SASS6: variants seen among roughly 807,000 people sequenced by gnomAD.
SASS6 encodes the protein spindle assembly abnormal protein 6 homolog.
In SASS6, 59 loss-of-function variants were observed where a neutral mutation model predicts 94.9. The ratio of observed to expected loss-of-function variants is 0.62; its 90% confidence interval spans 0.50 to 0.77. The LOEUF (loss-of-function observed/expected upper bound fraction) is 0.77. SASS6 is among the 30% of genes least tolerant of loss of function. The pLI, the probability that SASS6 is intolerant of heterozygous loss-of-function variation, is 0.00. For missense variants in SASS6, 698 were observed against 734.1 expected (o/e 0.95, Z 0.57); for synonymous variants, 264 against 270.0 (o/e 0.98, Z 0.22).
In SASS6 at chr1:100,125,742, C is replaced by T. The variant is rs558866388; in HGVS notation, c.126+140G>A. On this transcript the variant is annotated intron_variant, in intron 2 of 16. Transcript: ENST00000287482. ...TTGTTGTCTCAGTAGATTCCACCAC[C>T]CTTGATTTCCAACAGTTGCAAAATA... 3.8e-4 allele frequency: 236 copies of T among 623,826 alleles called. No homozygotes were observed. The African/African-American group carries it at 4.1e-3, about 11-fold the overall frequency. The allele number at this position is 623,826 out of a possible 1,614,324, so 38.6% of individuals were successfully genotyped here.
At chr1:100,099,827 T>C (rs1458716977) in intron 14 of SASS6, among the ~76,000 whole-genome samples, 2 of 152,212 alleles carry the variant, frequency 1.3e-5, no homozygotes, top group African/African-American at 4.8e-5. Context: ...TTTTTGGTCC[T>C]TAACAGTAAA....
At chr1:100,114,573 C>A (rs2101675173) in intron 7 of SASS6, among the ~76,000 whole-genome samples, 1 of 151,610 alleles carries the variant, frequency 6.6e-6, no homozygotes, top group South Asian at 2.1e-4. Flanking sequence ...AAAAAATTAT[C>A]TAGGCCTGGT....
intron 14 of SASS6, among the ~76,000 whole-genome samples, chr1:100,101,182 G>A (rs915061414): frequency 2.0e-5 from 3 of 152,124 alleles, no homozygotes; most frequent in Non-Finnish European, 1.5e-5. Context: ...ACTTCAGGTT[G>A]ATAGAGGCAG....
At chr1:100,104,783 T>TAAAA (rs546359132) in intron 13 of SASS6, among the ~76,000 whole-genome samples, 1 of 127,300 alleles carries the variant, frequency 7.9e-6, no homozygotes, top group Non-Finnish European at 1.7e-5. Context: ...TTTCTCAGGT[T>TAAAA]AAAAAAAAAA....
intron 14 of SASS6, among the ~76,000 whole-genome samples, chr1:100,093,529 G>T (rs1651906394): frequency 6.6e-6 from 1 of 152,142 alleles, no homozygotes; most frequent in Non-Finnish European, 1.5e-5. Context: ...GGGAGGCCAA[G>T]GCAGGCAGAT....
At chr1:100,123,597 A>G (rs1654360283) in intron 2 of SASS6, among the ~76,000 whole-genome samples, 3 of 152,260 alleles carry the variant, frequency 2.0e-5, no homozygotes, top group South Asian at 4.1e-4. Flanking sequence ...TTGCTACACC[A>G]TAACATGATG....
Position 100,132,871 on chromosome 1 carries a change from A to C in SASS6, c.-57T>G. 5 of 1,509,686 alleles carry C rather than the reference A, an allele frequency of 3.3e-6. No homozygotes were observed. Among genetic ancestry groups the C allele is most frequent in the Non-Finnish European group, 4.6e-6 (5 of 1,085,730 alleles). 93.5% of individuals were successfully genotyped at this position (1,509,686 alleles called of 1,614,324 possible). A position where few individuals can be genotyped will look rare whatever the true frequency, so the allele number is the denominator to read the frequency against. ...AAGCCCAACAGGCCCGGCCCTCGGGATTAGCCTGAGAGGTCCGGGTCCTGA... is the reference window on the plus strand; with the variant it reads ...AAGCCCAACAGGCCCGGCCCTCGGGCTTAGCCTGAGAGGTCCGGGTCCTGA... On this transcript the variant is annotated 5_prime_UTR_variant, in exon 1 of 17. Coordinates refer to ENST00000287482, the MANE Select transcript of SASS6 (RefSeq NM_194292.3).
chr1:100,117,305 A>AG (rs1289682773), intron 7 of SASS6, among the ~76,000 whole-genome samples: 1 of 151,748 alleles, frequency 6.6e-6, no homozygotes, highest in East Asian at 1.9e-4. Context: ...AAAAAAAAAA[A>AG]AGAAGCTATA....
At chr1:100,105,294 C>T (rs980170091) in intron 13 of SASS6, among the ~76,000 whole-genome samples, 5 of 152,028 alleles carry the variant, frequency 3.3e-5, no homozygotes, top group African/African-American at 9.7e-5. Flanking sequence ...TTTGGGAGGC[C>T]GAGGCAGGCA....
rs1159626307 is a variant in SASS6 at position 100,084,694 on chromosome 1, A to C, written c.*634T>G. ...TCAGCTCAAATGACAAAAGCACTTAATCTGGTCACATAAAAACTGTCCAAA... is the reference window on the plus strand; with the variant it reads ...TCAGCTCAAATGACAAAAGCACTTACTCTGGTCACATAAAAACTGTCCAAA... On this transcript the variant is annotated 3_prime_UTR_variant, in exon 17 of 17. Transcript: ENST00000287482. The C allele has an allele frequency of 6.6e-6, 1 of 152,144 alleles. No homozygotes were observed. Among genetic ancestry groups the C allele is most frequent in the Non-Finnish European group, 1.5e-5 (1 of 67,982 alleles). 9.4% of individuals were successfully genotyped at this position (152,144 alleles called of 1,614,324 possible).
intron 1 of SASS6, among the ~76,000 whole-genome samples, chr1:100,127,855 C>T (rs560172002): frequency 1.3e-5 from 2 of 151,778 alleles, no homozygotes; most frequent in Non-Finnish European, 2.9e-5. Flanking sequence ...ACTCAGTTTC[C>T]GAACTTGTAA....
chr1:100,132,032 A>G (rs1655077944), intron 1 of SASS6, among the ~76,000 whole-genome samples: 1 of 152,182 alleles, frequency 6.6e-6, no homozygotes, highest in African/African-American at 2.4e-5. Context: ...TTACGCCCCA[A>G]TAATACCACC....
In SASS6 at chr1:100,103,394, G is replaced by T. The variant is rs76218827; in HGVS notation, c.1546-311C>A. 7.2e-5 allele frequency among the ~76,000 whole-genome samples: 11 copies of T among 152,250 alleles called. No individual in the cohort carries two copies. The East Asian group carries it at 2.1e-3, about 29-fold the overall frequency. On this transcript the variant is annotated intron_variant, in intron 13 of 16. Transcript: ENST00000287482. ...TTTCACTCTAAGTCTCCTAAAAAAG[G>T]GGGGAATGGGGGAGTCTGGAGATCA...
chr1:100,124,141 T>TG (rs1026109742), intron 2 of SASS6, among the ~76,000 whole-genome samples: 1 of 152,106 alleles, frequency 6.6e-6, no homozygotes, highest in African/African-American at 2.4e-5. Flanking sequence ...AGCTAGAAAA[T>TG]GAAGAGGTAC....
At chr1:100,101,430 AATT>A (rs1411372963) in intron 14 of SASS6, among the ~76,000 whole-genome samples, 2 of 152,020 alleles carry the variant, frequency 1.3e-5, no homozygotes, top group East Asian at 1.9e-4. Flanking sequence ...TTAAGAACAT[AATT>A]ATTATAATGA....
chr1:100,101,634 C>G (rs1022307716), intron 14 of SASS6, among the ~76,000 whole-genome samples: 1 of 151,888 alleles, frequency 6.6e-6, no homozygotes, highest in Non-Finnish European at 1.5e-5. Context: ...AAAAATGATC[C>G]CAAGATACAA....
chr1:100,107,330 G>A (rs1381699872), intron 11 of SASS6, 44 bp downstream of exon 11: 4 of 1,266,076 alleles, frequency 3.2e-6, no homozygotes, highest in Non-Finnish European at 3.3e-6. Flanking sequence ...TTTAAAACGA[G>A]GAAAAAATTT....
intron 7 of SASS6, among the ~76,000 whole-genome samples, chr1:100,113,873 T>C (rs945577268): frequency 6.6e-6 from 1 of 151,804 alleles, no homozygotes; most frequent in Non-Finnish European, 1.5e-5. Context: ...AACACACAGA[T>C]AACAGCCACA....
intron 1 of SASS6, among the ~76,000 whole-genome samples, chr1:100,129,877 C>T (rs1421953169): frequency 1.3e-5 from 2 of 152,184 alleles, no homozygotes; most frequent in East Asian, 3.8e-4. Context: ...TGATCATTAC[C>T]ACTGTCCTCA....
Sources: gnomAD v4.1 joint callset for allele counts (sites outside exome capture counted in the v4.1 genomes callset) on GRCh38, gnomAD v4.1.1 for gene constraint, MANE v1.5 for transcripts, NCBI Gene and HGNC (gene_info 2026-07-23, HGNC 2026-07-21) for gene names.